Variants in BNIP3L observed in about 807,000 individuals in gnomAD.
BNIP3L encodes BCL2/adenovirus E1B 19 kDa protein-interacting protein 3-like.
BNIP3L carries 10 observed loss-of-function variants against 25.5 expected under a neutral mutation model. The ratio of observed to expected loss-of-function variants is 0.39; its 90% CI spans 0.24 to 0.67. BNIP3L has a LOEUF of 0.67. Ranked by LOEUF, BNIP3L falls within the 30% of genes least tolerant of loss-of-function variation. BNIP3L has a pLI of 0.45. For synonymous variants in BNIP3L, 113 were observed against 101.2 expected (o/e 1.12, Z -0.70); for missense variants, 215 against 270.9 (o/e 0.79, Z 1.45).
At chr8:26,403,085 AAT>A (rs1380429656) in intron 3 of BNIP3L, among the ~76,000 whole-genome samples, 4 of 152,300 alleles carry the variant, frequency 2.6e-5, no homozygotes, top group Non-Finnish European at 5.9e-5. Context: ...CTCAGGACCA[AAT>A]CCCTAAAAGA....
At chr8:26,410,262 C>T (rs61011884) in intron 5 of BNIP3L, 102 bp from the exon 6 acceptor site, 1 of 1,376,746 alleles carries the variant, frequency 7.3e-7, no homozygotes, top group African/African-American at 1.4e-5. Flanking sequence ...CCTTTAGAGC[C>T]TTTTACAAAG....
rs980852677 is a variant in BNIP3L, at chr8:26,410,785, A to G, written c.*373A>G. The G allele has an allele frequency of 1.3e-4, 23 of 174,084 alleles. No homozygotes were observed. Among genetic ancestry groups the G allele is most frequent in the Admixed American group, 8.9e-4 (15 of 16,800 alleles). 10.8% of individuals were successfully genotyped at this position (174,084 alleles called of 1,614,324 possible). A position where few individuals can be genotyped will look rare whatever the true frequency, so the allele number is the denominator to read the frequency against. Reference sequence around the variant, plus strand: ...TCATGGTATAAATTTTACTCTTGCAACATAACTACCATCTCTCTCTTAAAA... The same window carrying G: ...TCATGGTATAAATTTTACTCTTGCAGCATAACTACCATCTCTCTCTTAAAA... On this transcript the variant is annotated 3_prime_UTR_variant, in exon 6 of 6. Transcript: ENST00000380629.
chr8:26,394,261 T>G (rs868071707), intron 2 of BNIP3L, among the ~76,000 whole-genome samples: 9 of 152,254 alleles, frequency 5.9e-5, no homozygotes, highest in Middle Eastern at 3.4e-3. Context: ...TTTTTACAGT[T>G]CTAAGAATGT....
intron 2 of BNIP3L, among the ~76,000 whole-genome samples, chr8:26,392,265 C>G (rs1299148174): frequency 6.7e-6 from 1 of 149,508 alleles, no homozygotes; most frequent in African/African-American, 2.5e-5. Context: ...TTATGGGGCA[C>G]TGGATGACCT....
intron 5 of BNIP3L, among the ~76,000 whole-genome samples, chr8:26,408,932 C>A (rs189456654): frequency 2.7e-5 from 4 of 149,824 alleles, no homozygotes; most frequent in African/African-American, 7.4e-5. Context: ...CAAATGTAAG[C>A]GGACTCCTCT....
At chr8:26,390,093 T>C (rs761752130) in intron 1 of BNIP3L, among the ~76,000 whole-genome samples, 1 of 152,178 alleles carries the variant, frequency 6.6e-6, no homozygotes, top group Non-Finnish European at 1.5e-5. Context: ...GTTTATTGGC[T>C]ACTGTTAACA....
intron 3 of BNIP3L, among the ~76,000 whole-genome samples, chr8:26,401,069 T>A (rs940481343): frequency 7.9e-5 from 11 of 138,366 alleles, no homozygotes; most frequent in African/African-American, 2.9e-4. Context: ...TTACTGGGTA[T>A]ATACCCAAAT....
chr8:26,395,129 A>G (rs1339229037), intron 2 of BNIP3L, 101 bp from the exon 3 acceptor site: 22 of 1,211,088 alleles, frequency 1.8e-5, no homozygotes, highest in Non-Finnish European at 2.5e-5. Context: ...GCTTTTTCAA[A>G]GCCATACTGC....
intron 2 of BNIP3L, 137 bp from the exon 3 acceptor site, chr8:26,395,093 T>A: frequency 4.2e-6 from 3 of 715,684 alleles, no homozygotes; most frequent in Non-Finnish European, 6.5e-6. Flanking sequence ...TTTTCTTGTA[T>A]AGGGTTATGA....
chr8:26,394,837 A>G (rs1806197410), intron 2 of BNIP3L, among the ~76,000 whole-genome samples: 1 of 152,234 alleles, frequency 6.6e-6, no homozygotes, highest in Non-Finnish European at 1.5e-5. Context: ...TTTGAGAACT[A>G]CTGGTGAATT....
At chr8:26,403,600 C>A (rs1806438342) in intron 3 of BNIP3L, among the ~76,000 whole-genome samples, 1 of 150,740 alleles carries the variant, frequency 6.6e-6, no homozygotes, top group Admixed American at 6.6e-5. Flanking sequence ...TGTAGTGGTG[C>A]AGTTGTAGCT....
chr8:26,391,106 A>G (rs1314572061), intron 1 of BNIP3L, 137 bp from the exon 2 acceptor site: 1 of 668,392 alleles, frequency 1.5e-6, no homozygotes, highest in East Asian at 3.1e-5. Flanking sequence ...ATTACTTCTT[A>G]TTTATTTTCT....
intron 3 of BNIP3L, among the ~76,000 whole-genome samples, chr8:26,405,744 C>T (rs7813520): frequency 0.71 from 108,212 of 152,158 alleles, 38,749 homozygotes; most frequent in East Asian, 0.88. Flanking sequence ...AGCATGACAT[C>T]CCTTAAAACT....
At chr8:26,409,078 C>T (rs1263413009) in intron 5 of BNIP3L, among the ~76,000 whole-genome samples, 6 of 151,550 alleles carry the variant, frequency 4.0e-5, no homozygotes, top group Non-Finnish European at 5.9e-5. Flanking sequence ...TACATGATTA[C>T]ATTGAATAGT....
At chr8:26,388,697 G>A (rs1806042676) in intron 1 of BNIP3L, among the ~76,000 whole-genome samples, 1 of 152,160 alleles carries the variant, frequency 6.6e-6, no homozygotes. Flanking sequence ...CAGGTTGGGA[G>A]CAGTGGCTCA....
intron 1 of BNIP3L, among the ~76,000 whole-genome samples, chr8:26,386,338 C>T (rs181090964): frequency 9.1e-4 from 138 of 152,098 alleles, no homozygotes; most frequent in Middle Eastern, 6.8e-3. Flanking sequence ...TCAATAGGGC[C>T]GAATAAGGAA....
chr8:26,401,317 C>CA (rs1444670867), intron 3 of BNIP3L, among the ~76,000 whole-genome samples: 3 of 138,048 alleles, frequency 2.2e-5, no homozygotes, highest in Non-Finnish European at 3.1e-5. Context: ...ATCGCAAGAA[C>CA]AAAAAACCAA....
chr8:26,403,531 CT>C (rs74738100), intron 3 of BNIP3L, among the ~76,000 whole-genome samples: 120,393 of 124,370 alleles, frequency 0.97, 58,231 homozygotes, highest in East Asian at 0.98. Flanking sequence ...TACTCAGTTT[CT>C]TTTTTTTTTT....
chr8:26,390,758 G>A (rs1806089036), intron 1 of BNIP3L, among the ~76,000 whole-genome samples: 1 of 152,196 alleles, frequency 6.6e-6, no homozygotes, highest in Non-Finnish European at 1.5e-5. Flanking sequence ...GTAGGATATA[G>A]TTGCTAACTT....
Sources: allele counts gnomAD v4.1 joint callset (sites outside exome capture counted in the v4.1 genomes callset), GRCh38; gene constraint gnomAD v4.1.1; transcripts MANE v1.5; gene names NCBI Gene and HGNC (gene_info 2026-07-23, HGNC 2026-07-21).